The following DOCK1 variants were observed in gnomAD, a reference collection of about 807,000 sequenced individuals.
The protein encoded by DOCK1 is dedicator of cytokinesis protein 1.
DOCK1 carries 138 observed loss-of-function variants against 262.7 expected under a neutral mutation model. The ratio of observed to expected loss-of-function variants is 0.53; its 90% CI spans 0.46 to 0.61. The LOEUF is 0.61. Among genes scored for constraint, DOCK1 ranks in the 20% least tolerant of loss-of-function variants. The probability of loss-of-function intolerance (pLI) is 0.00; values close to 1 mark genes in which losing one functional copy is unlikely to be tolerated. For synonymous variants in DOCK1, 866 were observed against 867.4 expected (o/e 1.00, Z 0.03); for missense variants, 1,908 against 2,370.7 (o/e 0.80, Z 4.05).
intron 1 of DOCK1, among the ~76,000 whole-genome samples, chr10:126,949,599 C>G (rs2036004208): frequency 6.6e-6 from 1 of 152,100 alleles, no homozygotes; most frequent in African/African-American, 2.4e-5. Flanking sequence ...GTGATGAGAG[C>G]ATCGGGTGTT....
At chr10:127,340,697 A>T (rs1177319318) in intron 30 of DOCK1, among the ~76,000 whole-genome samples, 7 of 152,162 alleles carry the variant, frequency 4.6e-5, no homozygotes, top group Admixed American at 4.6e-4. Flanking sequence ...CCACCCCACC[A>T]ACCTTGAGAG....
intron 15 of DOCK1, among the ~76,000 whole-genome samples, chr10:127,025,477 C>T (rs1020540769): frequency 6.7e-5 from 10 of 149,768 alleles, no homozygotes; most frequent in Admixed American, 3.3e-4. Context: ...GACGGAGTCT[C>T]ATTCTGTCAC....
chr10:127,276,431 T>C (rs1164596812), intron 29 of DOCK1, among the ~76,000 whole-genome samples: 1 of 152,184 alleles, frequency 6.6e-6, no homozygotes, highest in African/African-American at 2.4e-5. Context: ...TGCAGTTCTG[T>C]GATACTCAGA....
At chr10:127,358,290 G>A (rs2064242970) in intron 32 of DOCK1, among the ~76,000 whole-genome samples, 1 of 152,090 alleles carries the variant, frequency 6.6e-6, no homozygotes, top group Non-Finnish European at 1.5e-5. Flanking sequence ...TCAATTTAAT[G>A]CAAGGGCAAA....
At chr10:127,212,601 C>T (rs942800883) in intron 27 of DOCK1, among the ~76,000 whole-genome samples, 12 of 151,896 alleles carry the variant, frequency 7.9e-5, no homozygotes, top group Non-Finnish European at 1.8e-4. Context: ...TAAGCCTCTC[C>T]TTGTAGTGAT....
intron 27 of DOCK1, among the ~76,000 whole-genome samples, chr10:127,211,850 G>A (rs1038461323): frequency 3.3e-5 from 5 of 152,092 alleles, no homozygotes; most frequent in South Asian, 2.1e-4. Flanking sequence ...GCCTTTCCCC[G>A]CTGCTGGACT....
chr10:127,294,922 G>A (rs1011465556), intron 29 of DOCK1, among the ~76,000 whole-genome samples: 3 of 152,134 alleles, frequency 2.0e-5, no homozygotes, highest in Admixed American at 6.5e-5. Flanking sequence ...GATTACAGGC[G>A]TGAGCCACCA....
At position 127,437,970 on chromosome 10, in the gene DOCK1, G is replaced by A. The variant is rs2069811324; in HGVS notation, c.5061-1057G>A. Among the ~76,000 whole-genome samples, 1 of 152,228 alleles carries A rather than the reference G, an allele frequency of 6.6e-6. No individual in the cohort carries two copies. Among genetic ancestry groups the A allele is most frequent in the Non-Finnish European group, 1.5e-5 (1 of 68,044 alleles). ...AAGGAAGTCAGGTTTGGAAGTTGCT[G>A]TGAGGCTCAGAGCTCCAAAGAGCAG... On this transcript the variant is annotated intron_variant, in intron 48 of 51. Coordinates refer to ENST00000623213, the MANE Select transcript of DOCK1 (RefSeq NM_001290223.2). The surrounding 1 kb of genome is among the most constrained non-coding windows in gnomAD (Gnocchi z 4.4).
chr10:126,998,538 TAC>T (rs1300770412), intron 8 of DOCK1: 11 of 280,272 alleles, frequency 3.9e-5, no homozygotes, highest in Non-Finnish European at 7.4e-5. Flanking sequence ...ATTGAAGTAA[TAC>T]TTTGTTTCCT....
At chr10:127,219,697 G>T (rs932853755) in intron 27 of DOCK1, among the ~76,000 whole-genome samples, 2 of 152,000 alleles carry the variant, frequency 1.3e-5, no homozygotes, top group African/African-American at 4.8e-5. Flanking sequence ...TATGAGTTTG[G>T]TTACTCTAGG....
chr10:127,336,746 A>C (rs182321443), intron 29 of DOCK1, among the ~76,000 whole-genome samples: 2 of 152,150 alleles, frequency 1.3e-5, no homozygotes, highest in South Asian at 4.2e-4. Flanking sequence ...TCACTGTGTT[A>C]GCCAGGATGG....
intron 29 of DOCK1, among the ~76,000 whole-genome samples, chr10:127,335,475 G>T (rs533664176): frequency 6.6e-6 from 1 of 152,206 alleles, no homozygotes; most frequent in Non-Finnish European, 1.5e-5. Flanking sequence ...GTATGCAAAA[G>T]CTTCTAATAT....
chr10:126,920,147 C>T (rs753441662), intron 1 of DOCK1, among the ~76,000 whole-genome samples: 4 of 152,062 alleles, frequency 2.6e-5, no homozygotes, highest in East Asian at 1.9e-4. Flanking sequence ...AAATATGTGG[C>T]GATGTTGGTG....
At chr10:126,997,974 GC>G in intron 7 of DOCK1, 117 bp from the exon 8 acceptor site, 1 of 1,308,986 alleles carries the variant, frequency 7.6e-7, no homozygotes, top group Non-Finnish European at 1.1e-6. Context: ...CTGCACCAAG[GC>G]CTTTGCTGGG....
chr10:127,031,859 C>G (rs970642593), intron 17 of DOCK1, 106 bp downstream of exon 17: 4 of 1,036,758 alleles, frequency 3.9e-6, no homozygotes, highest in Non-Finnish European at 5.7e-6. Context: ...AAGCTGCTAT[C>G]TAGCTACATT....
At chr10:127,055,566 G>A (rs1434870233) in intron 22 of DOCK1, among the ~76,000 whole-genome samples, 1 of 152,180 alleles carries the variant, frequency 6.6e-6, no homozygotes, top group Non-Finnish European at 1.5e-5. Flanking sequence ...AAAGGAGTTA[G>A]GGAGAAATAG....
intron 27 of DOCK1, among the ~76,000 whole-genome samples, chr10:127,223,824 G>C (rs1286290616): frequency 6.6e-6 from 1 of 152,118 alleles, no homozygotes; most frequent in Admixed American, 6.5e-5. Context: ...GCTGATCACT[G>C]TCTCCTTGTC....
chr10:127,361,394 GT>G (rs1434415082), intron 32 of DOCK1, among the ~76,000 whole-genome samples: 2 of 152,122 alleles, frequency 1.3e-5, no homozygotes, highest in Non-Finnish European at 2.9e-5. Flanking sequence ...GATTACAGGC[GT>G]GAGCCACCAC....
intron 27 of DOCK1, among the ~76,000 whole-genome samples, chr10:127,169,684 A>G (rs1564862550): frequency 6.6e-6 from 1 of 152,118 alleles, no homozygotes; most frequent in Non-Finnish European, 1.5e-5. Context: ...GTCAATATGT[A>G]TTTACTATTT....
Sources: gnomAD v4.1 joint callset for allele counts (sites outside exome capture counted in the v4.1 genomes callset) on GRCh38, gnomAD v4.1.1 for gene constraint, Gnocchi (gnomAD v3.1) non-coding constraint, MANE v1.5 for transcripts, NCBI Gene and HGNC (gene_info 2026-07-23, HGNC 2026-07-21) for gene names.